SLC18A1: variants seen among roughly 807,000 people sequenced by gnomAD.
SLC18A1 encodes the protein solute carrier family 18 member A1, also known as chromaffin granule amine transporter.
SLC18A1 carries 69 observed loss-of-function variants against 53.7 expected under a neutral mutation model. The ratio of observed to expected loss-of-function variants is 1.28; its 90% confidence interval spans 1.06 to 1.57. The LOEUF (loss-of-function observed/expected upper bound fraction) is 1.57. Among genes scored for constraint, SLC18A1 ranks in the 40% most tolerant of loss-of-function variants. The probability of loss-of-function intolerance (pLI) is 0.00; values close to 1 mark genes in which losing one functional copy is unlikely to be tolerated. For missense variants in SLC18A1, 932 were observed against 668.1 expected, an observed-to-expected ratio of 1.40 and a Z score of -4.35; for synonymous variants, 320 against 248.1, an observed-to-expected ratio of 1.29 and a Z score of -2.72.
Position 20,173,067 on chromosome 8 carries a change from A to G in SLC18A1, c.693T>C (p.Thr231=). The G allele has an allele frequency of 6.3e-7, 1 of 1,592,558 alleles. No homozygotes were observed. The highest frequency in any genetic ancestry group is 8.5e-7 in the Non-Finnish European group (1 of 1,169,830). The change falls in exon 6 of 16, where the codon ACT becomes ACC. Residue 231 remains threonine (T), a synonymous_variant. Transcript: ENST00000276373. ...DDHERGRAMG[T]ALGGLALGLL... ...ACCCCAAGGCCAGGCCCCCCAGAGC[A>G]GTTCCCATGGCTCGTCCTCTCTCAT...
rs2072405045 is a variant in SLC18A1, at chr8:20,180,784, A to G, written c.124+57T>C. Reference sequence around the variant, plus strand: ...ACTGTTGAACTCAAGCAGGGTGTACACTGCCTGCTGGGGCCCACAGCAAAT... The same window carrying G: ...ACTGTTGAACTCAAGCAGGGTGTACGCTGCCTGCTGGGGCCCACAGCAAAT... On this transcript the variant is annotated intron_variant, in intron 2 of 15. Transcript: ENST00000276373. 1.9e-6 allele frequency: 3 copies of G among 1,606,302 alleles called. No individual in the cohort carries two copies. In the South Asian group the frequency reaches 3.3e-5, roughly 18 times the overall value.
chr8:20,147,390 A>C lies in SLC18A1; in HGVS notation c.1332T>G (p.Gly444=). ...TTACAATGGCACCACCGGTGGATGG[A>C]CCTGGGAGGGATACATCAAAGTCAT... ...DVAFCMGFAI[G]PSTGGAIVKA... Residue 444 remains glycine (G), a splice_region_variant and synonymous_variant, in exon 15 of 16, where the codon GGT becomes GGG. Transcript: ENST00000276373. 6.2e-7 allele frequency: 1 copy of C among 1,606,452 alleles called. No individual in the cohort carries two copies. Among genetic ancestry groups the C allele is most frequent in the Non-Finnish European group, 8.5e-7 (1 of 1,177,086 alleles).
chr8:20,179,047 C>G (rs1198266362), intron 3 of SLC18A1, 74 bp downstream of exon 3: 1 of 1,509,180 alleles, frequency 6.6e-7, no homozygotes, highest in Non-Finnish European at 8.9e-7. Context: ...TTTTTCCCTT[C>G]CAACCCCCTT....
At position 20,180,923 on chromosome 8, in the gene SLC18A1, C is replaced by T. The variant is rs1472850213; in HGVS notation, c.42G>A (p.Lys14=). Reference sequence around the variant, plus strand: ...CCAGCTGCCGGGACGCTCTCCCCTCCTTCAGCAACCGCTGGGGAGCATCCA... The same window carrying T: ...CCAGCTGCCGGGACGCTCTCCCCTCTTTCAGCAACCGCTGGGGAGCATCCA... ...TILDAPQRLL[K]EGRASRQLVL... is the part of the protein sequence containing the mutation. Residue 14 remains lysine, a synonymous_variant, in exon 2 of 16, where the codon AAG becomes AAA. Coordinates refer to ENST00000276373, the MANE Select transcript of SLC18A1 (RefSeq NM_003053.4). 1 of 1,606,482 alleles carries T rather than the reference C, an allele frequency of 6.2e-7. No homozygotes were observed. The highest frequency in any genetic ancestry group is 1.7e-5 in the Admixed American group (1 of 58,568).
At chr8:20,163,160 A>AG (rs1190632168) in intron 10 of SLC18A1, among the ~76,000 whole-genome samples, 4 of 152,076 alleles carry the variant, frequency 2.6e-5, no homozygotes, top group African/African-American at 7.2e-5. Context: ...ACATGGCCAA[A>AG]GGGGGTCACA....
intron 10 of SLC18A1, among the ~76,000 whole-genome samples, chr8:20,162,736 T>A (rs2071860347): frequency 6.6e-6 from 1 of 152,220 alleles, no homozygotes; most frequent in South Asian, 2.1e-4. Flanking sequence ...ACTGTCCATA[T>A]TTCTATCAAC....
chr8:20,152,984 T>C (rs1176090887), intron 10 of SLC18A1, among the ~76,000 whole-genome samples: 1 of 152,206 alleles, frequency 6.6e-6, no homozygotes, highest in East Asian at 1.9e-4. Flanking sequence ...TGCTTCCATT[T>C]TATCATAGCT....
chr8:20,158,380 G>A (rs971212750), intron 10 of SLC18A1, among the ~76,000 whole-genome samples: 7 of 152,116 alleles, frequency 4.6e-5, no homozygotes, highest in Admixed American at 1.3e-4. Flanking sequence ...AGACATTCTC[G>A]CAAAAGCAGG....
chr8:20,179,492 T>A lies in SLC18A1; in HGVS notation c.125-8A>T. 6.2e-7 allele frequency: 1 copy of A among 1,603,852 alleles called. No individual in the cohort carries two copies. Among genetic ancestry groups the A allele is most frequent in the Non-Finnish European group, 8.5e-7 (1 of 1,174,490 alleles). ...AGGTGGGCACAATTGGCACTGAAAG[T>A]CAAAGAGGACAGGTGATGGGGGCTA... is the stretch of plus-strand genomic sequence containing the variant. On this transcript the variant is annotated splice_region_variant and splice_polypyrimidine_tract_variant and intron_variant, in intron 2 of 15. Coordinates refer to ENST00000276373, the MANE Select transcript of SLC18A1 (RefSeq NM_003053.4).
intron 1 of SLC18A1, chr8:20,181,619 A>G (rs1388278554): frequency 6.6e-6 from 1 of 152,294 alleles, no homozygotes; most frequent in East Asian, 1.9e-4. Flanking sequence ...TATTGATATC[A>G]TGTTTCAAAA....
intron 10 of SLC18A1, among the ~76,000 whole-genome samples, chr8:20,164,428 T>C (rs1052457727): frequency 5.3e-5 from 8 of 152,178 alleles, no homozygotes; most frequent in Admixed American, 3.9e-4. Context: ...TGCACATTAA[T>C]ATTGTACAGG....
intron 8 of SLC18A1, among the ~76,000 whole-genome samples, chr8:20,169,880 A>G (rs1272275157): frequency 6.6e-6 from 1 of 152,178 alleles, no homozygotes; most frequent in Non-Finnish European, 1.5e-5. Flanking sequence ...CTCCGTCTCA[A>G]AAAAGTAGAT....
chr8:20,181,231 T>A (rs2072421671), intron 1 of SLC18A1, 144 bp from the exon 2 acceptor site: 1 of 311,230 alleles, frequency 3.2e-6, no homozygotes, highest in Non-Finnish European at 6.0e-6. Context: ...CATCGCTTAC[T>A]AGCTATTTAT....
At chr8:20,171,379 T>G in intron 7 of SLC18A1, 26 bp downstream of exon 7, 1 of 1,593,870 alleles carries the variant, frequency 6.3e-7, no homozygotes, top group Non-Finnish European at 8.6e-7. Context: ...GGCTGTCACC[T>G]GCTGGAGGCT....
intron 8 of SLC18A1, among the ~76,000 whole-genome samples, chr8:20,168,207 C>G (rs1035484611): frequency 2.0e-5 from 3 of 151,908 alleles, no homozygotes; most frequent in Non-Finnish European, 2.9e-5. Context: ...GACCCGGTCT[C>G]TATAAAAAGT....
At chr8:20,156,033 T>A (rs551218602) in intron 10 of SLC18A1, among the ~76,000 whole-genome samples, 12 of 152,350 alleles carry the variant, frequency 7.9e-5, no homozygotes, top group African/African-American at 2.9e-4. Context: ...CCTCAGCTCC[T>A]TGGCGAGGGC....
chr8:20,158,744 A>G (rs1222961113), intron 10 of SLC18A1, among the ~76,000 whole-genome samples: 1 of 152,160 alleles, frequency 6.6e-6, no homozygotes, highest in Non-Finnish European at 1.5e-5. Flanking sequence ...TTGTCCCTCT[A>G]TACCAAGCTG....
At chr8:20,171,526 G>A in intron 6 of SLC18A1, 32 bp from the exon 7 acceptor site, 3 of 1,516,418 alleles carry the variant, frequency 2.0e-6, no homozygotes, top group South Asian at 2.2e-5. Context: ...AGATTCCAGA[G>A]GTGAGGGTGA....
intron 4 of SLC18A1, among the ~76,000 whole-genome samples, chr8:20,178,044 C>T (rs2072292727): frequency 6.6e-6 from 1 of 151,722 alleles, no homozygotes; most frequent in African/African-American, 2.4e-5. Context: ...TTTTCCATGG[C>T]ATAACAAAAT....
Sources: gnomAD v4.1 joint callset for allele counts (sites outside exome capture counted in the v4.1 genomes callset) on GRCh38, gnomAD v4.1.1 for gene constraint, MANE v1.5 for transcripts, NCBI Gene and HGNC (gene_info 2026-07-23, HGNC 2026-07-21) for gene names.